The following PRH1 variants were observed in gnomAD, a reference collection of about 807,000 sequenced individuals.
The protein encoded by PRH1 is salivary acidic proline-rich phosphoprotein 1/2.
In PRH1, 7 loss-of-function variants were observed where a neutral mutation model predicts 7.9. That is an observed-to-expected ratio of 0.89 (90% confidence interval 0.50 to 1.67). PRH1 has a LOEUF of 1.67. PRH1 is among the 40% of genes most tolerant of loss of function. The pLI is 0.00. For missense variants in PRH1, 109 were observed against 223.6 expected (o/e 0.49, Z 3.27); for synonymous variants, 45 against 80.8 (o/e 0.56, Z 2.38).
chr12:10,909,068 C>T (rs755932142), intron 2 of PRH1: 11 of 1,613,578 alleles, frequency 6.8e-6, no homozygotes, highest in South Asian at 1.1e-5. Context: ...CTGTTCCAGA[C>T]ACAAATATGG....
At chr12:11,139,855 T>TC (rs761585732) in intron 1 of PRH1, among the ~76,000 whole-genome samples, 1 of 152,254 alleles carries the variant, frequency 6.6e-6, no homozygotes, top group South Asian at 2.1e-4. Flanking sequence ...AGATTTATCA[T>TC]CCTAGGAGTA....
intron 1 of PRH1, among the ~76,000 whole-genome samples, chr12:11,012,731 G>GT (rs1212053968): frequency 3.3e-5 from 5 of 152,006 alleles, no homozygotes; most frequent in South Asian, 2.1e-4. Flanking sequence ...TAATTTTTCA[G>GT]TTTTTTTGTA....
intron 2 of PRH1, among the ~76,000 whole-genome samples, chr12:10,937,204 T>TTCTCTC (rs61659284): frequency 2.7e-5 from 4 of 147,206 alleles, no homozygotes; most frequent in African/African-American, 1.0e-4. Flanking sequence ...GCAATTTTAT[T>TTCTCTC]TCTCTCTCTC....
chr12:11,022,311 G>C (rs569781992), intron 1 of PRH1: 1 of 1,614,158 alleles, frequency 6.2e-7, no homozygotes, highest in South Asian at 1.1e-5. Context: ...TTACAGCCCA[G>C]GCATTAGAAG....
intron 2 of PRH1, among the ~76,000 whole-genome samples, chr12:10,918,588 T>A (rs1301318634): frequency 2.6e-5 from 4 of 152,232 alleles, no homozygotes; most frequent in Admixed American, 2.6e-4. Flanking sequence ...AAGACTTTTA[T>A]TAATATTGAC....
chr12:10,914,102 A>C (rs898153160), intron 2 of PRH1, among the ~76,000 whole-genome samples: 2 of 152,224 alleles, frequency 1.3e-5, no homozygotes, highest in Non-Finnish European at 2.9e-5. Flanking sequence ...ATTACTGTTT[A>C]CTGTAAAACA....
chr12:11,088,002 A>C (rs1944764377), intron 1 of PRH1, among the ~76,000 whole-genome samples: 1 of 122,050 alleles, frequency 8.2e-6, no homozygotes, highest in African/African-American at 2.8e-5. Context: ...TTCTGTTCTC[A>C]GTTTAATTTA....
intron 2 of PRH1, among the ~76,000 whole-genome samples, chr12:10,943,718 C>A (rs1367884174): frequency 6.6e-6 from 1 of 152,010 alleles, no homozygotes; most frequent in Non-Finnish European, 1.5e-5. Flanking sequence ...ACATTTAGGT[C>A]TTTAATCCAT....
chr12:10,975,899 T>C (rs1248826934), intron 1 of PRH1, among the ~76,000 whole-genome samples: 1 of 152,072 alleles, frequency 6.6e-6, no homozygotes, highest in African/African-American at 2.4e-5. Flanking sequence ...GCAGCCAACA[T>C]AGGAACACCC....
At chr12:11,099,134 AGACT>A (rs1945151780) in intron 1 of PRH1, among the ~76,000 whole-genome samples, 4 of 152,352 alleles carry the variant, frequency 2.6e-5, no homozygotes, top group African/African-American at 9.6e-5. Context: ...TATCACAGGA[AGACT>A]GACTACCTTT....
At chr12:10,908,427 G>A (rs780590154) in intron 2 of PRH1, 2 of 1,613,400 alleles carry the variant, frequency 1.2e-6, no homozygotes, top group Non-Finnish European at 8.5e-7. Context: ...CAAAAGAAAG[G>A]CCTGTCTTAA....
chr12:10,955,177 C>T (rs76913696), intron 2 of PRH1, among the ~76,000 whole-genome samples: 3,019 of 152,118 alleles, frequency 0.02, 36 homozygotes, highest in South Asian at 0.032. Context: ...AGCCACACAA[C>T]CTAACATAAA....
At position 11,137,031 on chromosome 12, in the gene PRH1, A is replaced by G. The variant is rs151275949; in HGVS notation, n.40-15851T>C. 5.3e-3 allele frequency among the ~76,000 whole-genome samples: 812 copies of G among 152,344 alleles called. 6 individuals carry two copies. The highest frequency in any genetic ancestry group is 0.019 in the African/African-American group (778 of 41,574). On this transcript the variant is annotated intron_variant and non_coding_transcript_variant, in intron 1 of 1. Coordinates refer to the PRH1 transcript ENST00000541175. Reference sequence around the variant, plus strand: ...GTCTAGGCATTCTCCTGCAACTTGGAAGAAACCGGAAATTGATTTGATGTG... The same window carrying G: ...GTCTAGGCATTCTCCTGCAACTTGGGAGAAACCGGAAATTGATTTGATGTG...
At chr12:11,047,805 TATAAA>T (rs577313222), upstream of PRH1, among the ~76,000 whole-genome samples, 1 of 89,400 alleles carries the variant, frequency 1.1e-5, no homozygotes, top group Admixed American at 1.2e-4. Flanking sequence ...TTATAATAAA[TATAAA>T]ATAAGAATTC....
chr12:10,901,174 C>A (rs1254758973), intron 2 of PRH1, among the ~76,000 whole-genome samples: 3 of 152,086 alleles, frequency 2.0e-5, no homozygotes, highest in Admixed American at 2.0e-4. Flanking sequence ...TATGCCCAGG[C>A]AAATATCCAA....
At chr12:11,122,639 T>A (rs899156307) in intron 1 of PRH1, among the ~76,000 whole-genome samples, 1 of 152,282 alleles carries the variant, frequency 6.6e-6, no homozygotes, top group Non-Finnish European at 1.5e-5. Context: ...CATGTCAAAT[T>A]TCCAAAAGTT....
intron 2 of PRH1, among the ~76,000 whole-genome samples, chr12:10,915,866 A>G (rs1339052384): frequency 6.6e-6 from 1 of 152,208 alleles, no homozygotes; most frequent in African/African-American, 2.4e-5. Flanking sequence ...GAACCACCTC[A>G]GTTTGGAGCT....
chr12:10,933,638 T>C (rs1418025206), intron 2 of PRH1, among the ~76,000 whole-genome samples: 2 of 152,062 alleles, frequency 1.3e-5, no homozygotes, highest in Non-Finnish European at 2.9e-5. Context: ...GCCAACGTTG[T>C]CTTTGATAAT....
chr12:11,117,971 A>T (rs1455660804), downstream of PRH1, among the ~76,000 whole-genome samples: 1 of 152,228 alleles, frequency 6.6e-6, no homozygotes, highest in African/African-American at 2.4e-5. Flanking sequence ...ATAAGAAAAC[A>T]TCAGAGAAAC....
Sources: allele counts gnomAD v4.1 joint callset (sites outside exome capture counted in the v4.1 genomes callset), GRCh38; gene constraint gnomAD v4.1.1; transcripts MANE v1.5; gene names NCBI Gene and HGNC (gene_info 2026-07-23, HGNC 2026-07-21).